The following WWOX variants were observed in gnomAD, a reference collection of about 807,000 sequenced individuals.
The protein encoded by WWOX is WW domain containing oxidoreductase, also known as WW domain-containing oxidoreductase.
In WWOX, 69 loss-of-function variants were observed where a neutral mutation model predicts 46.2. The ratio of observed to expected loss-of-function variants is 1.49; its 90% CI spans 1.23 to 1.82. The LOEUF is 1.82. Among genes scored for constraint, WWOX ranks in the 40% most tolerant of loss-of-function variants. The pLI is 0.00. For synonymous variants in WWOX, 359 were observed against 202.6 expected (o/e 1.77, Z -6.56); for missense variants, 919 against 542.6 (o/e 1.69, Z -6.89).
At chr16:78,982,126 C>G (rs975349523) in intron 8 of WWOX, among the ~76,000 whole-genome samples, 1 of 152,074 alleles carries the variant, frequency 6.6e-6, no homozygotes, top group African/African-American at 2.4e-5. Context: ...TGTATTCCTT[C>G]TCCTTCATTG....
chr16:78,401,941 G>A (rs1213928159), intron 6 of WWOX, among the ~76,000 whole-genome samples: 4 of 152,010 alleles, frequency 2.6e-5, no homozygotes, highest in Non-Finnish European at 5.9e-5. Context: ...CTCTAGATCC[G>A]CCTGCCTCTG....
At chr16:78,614,443 C>T (rs183818721) in intron 8 of WWOX, among the ~76,000 whole-genome samples, 2 of 152,236 alleles carry the variant, frequency 1.3e-5, no homozygotes, top group African/African-American at 4.8e-5. Context: ...ATCTCCTATA[C>T]TCTGGCTGGG....
intron 1 of WWOX, among the ~76,000 whole-genome samples, chr16:78,108,119 G>A (rs1434018532): frequency 6.6e-6 from 1 of 151,414 alleles, no homozygotes; most frequent in African/African-American, 2.4e-5. Context: ...GTAGAGACAG[G>A]GTTTCACCAT....
intron 8 of WWOX, among the ~76,000 whole-genome samples, chr16:78,567,234 T>A (rs959222627): frequency 2.0e-5 from 3 of 152,156 alleles, no homozygotes; most frequent in African/African-American, 7.2e-5. Context: ...CCAGGGTCTT[T>A]GCTCTTCCAC....
intron 8 of WWOX, among the ~76,000 whole-genome samples, chr16:78,603,077 G>C (rs981627251): frequency 1.3e-5 from 2 of 152,224 alleles, no homozygotes; most frequent in African/African-American, 2.4e-5. Context: ...ACTGCAATCA[G>C]ATGTTTTATT....
Position 78,313,658 on chromosome 16 carries a change from G to A in WWOX, c.517-73202G>A, listed in dbSNP as rs140909806. Among the ~76,000 whole-genome samples, 9 of 152,232 alleles carry A rather than the reference G, an allele frequency of 5.9e-5. No individual in the cohort carries two copies. In the South Asian group the frequency reaches 6.2e-4, roughly 11 times the overall value. On this transcript the variant is annotated intron_variant, in intron 5 of 8. Transcript: ENST00000566780. ...TGGGATTACGGGCATGAGCCACTGCGTCAGGCCTATTGTTTTTCCTACGTA... is the reference window on the plus strand; with the variant it reads ...TGGGATTACGGGCATGAGCCACTGCATCAGGCCTATTGTTTTTCCTACGTA...
chr16:78,712,140 C>T (rs2048457202), intron 8 of WWOX, among the ~76,000 whole-genome samples: 2 of 152,048 alleles, frequency 1.3e-5, no homozygotes, highest in Admixed American at 1.3e-4. Flanking sequence ...ACCAATAAGC[C>T]AATGTTCAAT....
chr16:78,246,484 A>G (rs2037819410), intron 5 of WWOX, among the ~76,000 whole-genome samples: 1 of 152,244 alleles, frequency 6.6e-6, no homozygotes, highest in Non-Finnish European at 1.5e-5. Flanking sequence ...AACAGTTAAC[A>G]GGAAGCCCAA....
At chr16:78,117,752 A>C (rs996162608) in intron 4 of WWOX, among the ~76,000 whole-genome samples, 1 of 152,162 alleles carries the variant, frequency 6.6e-6, no homozygotes, top group Non-Finnish European at 1.5e-5. Flanking sequence ...GGGCATCTTT[A>C]CTTCCAAGAC....
chr16:79,184,351 C>G (rs1285685697), intron 8 of WWOX, among the ~76,000 whole-genome samples: 1 of 152,142 alleles, frequency 6.6e-6, no homozygotes, highest in African/African-American at 2.4e-5. Context: ...CTGTGACAGA[C>G]AGTGGCAATG....
intron 6 of WWOX, among the ~76,000 whole-genome samples, chr16:78,396,649 TTAAA>T (rs1292460339): frequency 2.6e-5 from 4 of 152,216 alleles, no homozygotes; most frequent in African/African-American, 7.2e-5. Context: ...ATTGTTGGTG[TTAAA>T]TAATGATTAT....
chr16:79,034,110 T>A (rs1165564657), intron 8 of WWOX, among the ~76,000 whole-genome samples: 1 of 152,232 alleles, frequency 6.6e-6, no homozygotes, highest in East Asian at 1.9e-4. Context: ...CTGAATGGGA[T>A]GCCTTTTATT....
At chr16:78,568,700 C>G (rs1034037085) in intron 8 of WWOX, among the ~76,000 whole-genome samples, 7 of 152,072 alleles carry the variant, frequency 4.6e-5, no homozygotes, top group African/African-American at 9.7e-5. Flanking sequence ...GTGTCGATTT[C>G]CTGACCTTGA....
rs764176788 is a variant in WWOX, at chr16:78,416,191, T to C, written c.606-8679T>C. 2.0e-5 allele frequency among the ~76,000 whole-genome samples: 3 copies of C among 152,246 alleles called. 1 individual carries two copies. Among genetic ancestry groups the C allele is most frequent in the Non-Finnish European group, 4.4e-5 (3 of 68,040 alleles). On this transcript the variant is annotated intron_variant, in intron 6 of 8. Transcript: ENST00000566780. ...ACTATTTTTGTTTCCATTCTGTCTT[T>C]ATAGTTTGAACTTTTCCTTTTCATA...
intron 8 of WWOX, among the ~76,000 whole-genome samples, chr16:78,714,566 C>G (rs2048519562): frequency 1.3e-5 from 2 of 151,930 alleles, no homozygotes; most frequent in South Asian, 2.1e-4. Context: ...CATCTATATT[C>G]AAGACACTAT....
At chr16:78,787,143 G>C (rs182682738) in intron 8 of WWOX, among the ~76,000 whole-genome samples, 2 of 152,204 alleles carry the variant, frequency 1.3e-5, no homozygotes, top group African/African-American at 4.8e-5. Flanking sequence ...GTGAGACTGT[G>C]TCTCAAAAAC....
At chr16:78,643,225 A>G (rs2046762174) in intron 8 of WWOX, among the ~76,000 whole-genome samples, 1 of 152,244 alleles carries the variant, frequency 6.6e-6, no homozygotes, top group African/African-American at 2.4e-5. Flanking sequence ...AAAAAAGGAC[A>G]CGTATGCCTA....
At chr16:78,944,133 G>A (rs2045904806) in intron 8 of WWOX, among the ~76,000 whole-genome samples, 1 of 152,106 alleles carries the variant, frequency 6.6e-6, no homozygotes, top group East Asian at 1.9e-4. Flanking sequence ...TATTGTCTGA[G>A]CCTATGATAA....
At chr16:78,994,613 C>T (rs1246511039) in intron 8 of WWOX, among the ~76,000 whole-genome samples, 14 of 152,308 alleles carry the variant, frequency 9.2e-5, no homozygotes, top group Non-Finnish European at 4.4e-5. Context: ...GGCGCAAACT[C>T]CCAAACCAGA....
Sources: gnomAD v4.1 joint callset for allele counts (sites outside exome capture counted in the v4.1 genomes callset) on GRCh38, gnomAD v4.1.1 for gene constraint, MANE v1.5 for transcripts, NCBI Gene and HGNC (gene_info 2026-07-23, HGNC 2026-07-21) for gene names.